The following KCNT1 variants were observed in gnomAD, a reference collection of about 807,000 sequenced individuals.
KCNT1 encodes the protein potassium channel subfamily T member 1.
A neutral mutation model predicts 147.8 loss-of-function variants in KCNT1; 78 were observed. That is an observed-to-expected ratio of 0.53 (90% confidence interval 0.44 to 0.64). The LOEUF (loss-of-function observed/expected upper bound fraction) is 0.64. Among genes scored for constraint, KCNT1 ranks in the 30% least tolerant of loss-of-function variants. The probability of loss-of-function intolerance (pLI) is 0.00; values close to 1 mark genes in which losing one functional copy is unlikely to be tolerated. For synonymous variants in KCNT1, 867 were observed against 748.8 expected (o/e 1.16, Z -2.58); for missense variants, 1,419 against 1,750.3 (o/e 0.81, Z 3.38).
At chr9:135,706,797 C>A (rs1835275512) in intron 1 of KCNT1, among the ~76,000 whole-genome samples, 1 of 152,172 alleles carries the variant, frequency 6.6e-6, no homozygotes, top group African/African-American at 2.4e-5. Context: ...TGACCCCAGC[C>A]ACATTGAGGG....
In KCNT1 at chr9:135,770,877, G is replaced by T; in HGVS notation, c.1790G>T (p.Gly597Val). 1.3e-6 allele frequency: 2 copies of T among 1,581,676 alleles called. No homozygotes were observed. Among genetic ancestry groups the T allele is most frequent in the Non-Finnish European group, 1.7e-6 (2 of 1,162,904 alleles). ...CCCAGGTATGGCGTGTGCCTCATCG[G>T]GCTGAAGCGGGAGGACAACAAGAGC... Reference protein sequence around the residue: ...AHKKYGVCLIGLKREDNKSIL... With the variant: ...AHKKYGVCLIVLKREDNKSIL... Residue 597 changes from glycine (G) to valine (V), a missense_variant, in exon 18 of 31, where the codon GGG becomes GTG. Coordinates refer to ENST00000371757, the MANE Select transcript of KCNT1 (RefSeq NM_020822.3).
chr9:135,780,033 A>G (rs1833493839), intron 24 of KCNT1, among the ~76,000 whole-genome samples: 1 of 152,244 alleles, frequency 6.6e-6, no homozygotes, highest in Non-Finnish European at 1.5e-5. Context: ...CTGAGCTGGA[A>G]TTGGCTTTCT....
At chr9:135,767,570 C>T (rs1186245824) in intron 13 of KCNT1, among the ~76,000 whole-genome samples, 1 of 152,022 alleles carries the variant, frequency 6.6e-6, no homozygotes, top group Non-Finnish European at 1.5e-5. Context: ...CCCCTCCCTC[C>T]TGCACCCCAA....
rs1358104819 is a variant in KCNT1 at position 135,714,003 on chromosome 9, G to A, written c.111-574G>A. The stretch of plus-strand genomic sequence containing the variant: ...CCGGGGTTCTGACCTGAGCTGAGCT[G>A]CTCCGCCTGGGGAGGCTGCAAACAA... On this transcript the variant is annotated intron_variant, in intron 1 of 30. Transcript: ENST00000371757. This position sits in a 1 kb window ranked among gnomAD's most constrained non-coding sequence, Gnocchi z 6.2. 6.6e-6 allele frequency among the ~76,000 whole-genome samples: 1 copy of A among 152,120 alleles called. No homozygotes were observed. The highest frequency in any genetic ancestry group is 1.5e-5 in the Non-Finnish European group (1 of 68,020).
In KCNT1 at chr9:135,745,319, G is replaced by C. The variant is rs117769839; in HGVS notation, c.255-4779G>C. Among the ~76,000 whole-genome samples, 428 of 152,164 alleles carry C rather than the reference G, an allele frequency of 2.8e-3. 18 individuals carry two copies. The East Asian group carries it at 0.069, about 24-fold the overall frequency. ...CTCCCACCTCTCAGGGCGTTCCACC[G>C]AGCCCACGCCCAGCTCCTGGGAGCA... On this transcript the variant is annotated intron_variant, in intron 2 of 30. Coordinates refer to ENST00000371757, the MANE Select transcript of KCNT1 (RefSeq NM_020822.3).
Position 135,771,200 on chromosome 9 carries a change from AG to A in KCNT1, c.2008+110del, listed in dbSNP as rs1439793636. On this transcript the variant is annotated intron_variant, in intron 18 of 30. Transcript: ENST00000371757. ...GGTGGGATGGGAGACCAGGCAGGAC[AG>A]GGGGAGGTGACCAGGTGGGACAGGA... 8 of 1,059,076 alleles carry A rather than the reference AG, an allele frequency of 7.6e-6. No homozygotes were observed. The East Asian group carries it at 1.8e-4, about 24-fold the overall frequency. 65.6% of individuals were successfully genotyped at this position (1,059,076 alleles called of 1,614,324 possible). A position where few individuals can be genotyped will look rare whatever the true frequency, so the allele number is the denominator to read the frequency against.
At chr9:135,708,757 C>T (rs1454429752) in intron 1 of KCNT1, among the ~76,000 whole-genome samples, 1 of 152,222 alleles carries the variant, frequency 6.6e-6, no homozygotes, top group Non-Finnish European at 1.5e-5. Flanking sequence ...GTTGCCCAGG[C>T]TGGTCAGGAA....
chr9:135,712,186 C>A (rs1835527487), intron 1 of KCNT1, among the ~76,000 whole-genome samples: 1 of 152,130 alleles, frequency 6.6e-6, no homozygotes, highest in South Asian at 2.1e-4. Context: ...TGTGTCCCGT[C>A]ACCTCAGCCC....
intron 13 of KCNT1, among the ~76,000 whole-genome samples, chr9:135,768,114 C>A (rs1390784430): frequency 6.6e-6 from 1 of 150,962 alleles, no homozygotes; most frequent in African/African-American, 2.4e-5. Context: ...GCTCGGGGGA[C>A]AGGTGTGGCT....
At position 135,702,335 on chromosome 9, in the gene KCNT1, C is replaced by T. The variant is rs143015526; in HGVS notation, c.77C>T (p.Thr26Ile). The T allele has an allele frequency of 6.3e-5, 101 of 1,611,526 alleles. No homozygotes were observed. The highest frequency in any genetic ancestry group is 7.7e-5 in the Non-Finnish European group (91 of 1,179,332). Residue 26 changes from threonine to isoleucine, a missense_variant, in exon 1 of 31, where the codon ACC (threonine) becomes ATC (isoleucine). Around this residue, in one of 5 missense-constraint regions of KCNT1, gnomAD observed 181 missense variants for 155.7 expected, o/e 1.16. Coordinates refer to ENST00000371757, the MANE Select transcript of KCNT1 (RefSeq NM_020822.3). ...EARGGGYTNRTFEFDDGQCAP... is the reference protein window; with the variant it reads ...EARGGGYTNRIFEFDDGQCAP... The stretch of plus-strand genomic sequence containing the variant: ...CGCGGCGGGGGCTACACCAACCGGA[C>T]CTTCGAGTTTGACGACGGCCAATGC...
chr9:135,793,514 C>T lies in KCNT1; in HGVS notation c.*1353C>T, dbSNP rs1834686600. 1 of 152,338 alleles carries T rather than the reference C, an allele frequency of 6.6e-6. No individual in the cohort carries two copies. The highest frequency in any genetic ancestry group is 1.5e-5 in the Non-Finnish European group (1 of 68,164). 9.4% of individuals were successfully genotyped at this position (152,338 alleles called of 1,614,324 possible). ...TGAGGCCAGTGGCTGCTGGGGATCC[C>T]CTACACTGGGGGTCAGGGCTGCCCC... On this transcript the variant is annotated 3_prime_UTR_variant, in exon 31 of 31. Transcript: ENST00000371757.
chr9:135,768,549 C>A (rs544632549), intron 13 of KCNT1, 61 bp from the exon 14 acceptor site: 5 of 1,399,208 alleles, frequency 3.6e-6, no homozygotes, highest in Non-Finnish European at 4.9e-6. Flanking sequence ...CACCTCCGCA[C>A]CCCCGGCTGC....
Position 135,768,344 on chromosome 9 carries a change from TGGGGGG to T in KCNT1, c.1338-257_1338-252del. On this transcript the variant is annotated intron_variant, in intron 13 of 30. Transcript: ENST00000371757. The stretch of plus-strand genomic sequence containing the variant: ...CCGTGGGGGACACTGTGATGTGGGT[TGGGGGG>T]GGGGGGGGCAGTATGGGGATGCCCA... The T allele has an allele frequency of 7.8e-5, 2 of 25,720 alleles. 1 individual carries two copies. The highest frequency in any genetic ancestry group is 1.2e-4 in the Non-Finnish European group (2 of 16,564). The allele number at this position is 25,720 out of a possible 1,614,324, so 1.6% of individuals were successfully genotyped here. A position where few individuals can be genotyped will look rare whatever the true frequency, so the allele number is the denominator to read the frequency against.
At chr9:135,785,976 G>C (rs910866010) in intron 28 of KCNT1, 1 of 572,052 alleles carries the variant, frequency 1.7e-6, no homozygotes, top group Non-Finnish European at 3.1e-6. Flanking sequence ...TGGGTGGCCC[G>C]GCGATCTGTG....
chr9:135,770,519 G>A (rs1279679922), intron 17 of KCNT1, 72 bp downstream of exon 17: 3 of 1,526,894 alleles, frequency 2.0e-6, no homozygotes, highest in Admixed American at 4.0e-5. Context: ...CACCCTCCCG[G>A]TCAGGCACAG....
intron 2 of KCNT1, among the ~76,000 whole-genome samples, chr9:135,728,545 T>A (rs1836309645): frequency 6.6e-6 from 1 of 152,170 alleles, no homozygotes. Context: ...CACGCCCTGT[T>A]CCGGGGGAAC....
intron 24 of KCNT1, among the ~76,000 whole-genome samples, chr9:135,781,100 G>A (rs1238053800): frequency 1.3e-5 from 2 of 152,236 alleles, no homozygotes; most frequent in Admixed American, 6.5e-5. Context: ...CTCCACTGGG[G>A]CTCTGTGTTG....
At position 135,714,152 on chromosome 9, in the gene KCNT1, T is replaced by C. The variant is rs1259390477; in HGVS notation, c.111-425T>C. The stretch of plus-strand genomic sequence containing the variant: ...GAGCAGCCGGCCTCGGCAAAGACCC[T>C]GGGGACGGGGAGGGGAGCTGGGGAG... On this transcript the variant is annotated intron_variant, in intron 1 of 30. Transcript: ENST00000371757. This position sits in a 1 kb window ranked among gnomAD's most constrained non-coding sequence, Gnocchi z 6.2. 2.9e-5 allele frequency among the ~76,000 whole-genome samples: 3 copies of C among 102,346 alleles called. No individual in the cohort carries two copies. Among genetic ancestry groups the C allele is most frequent in the Admixed American group, 2.1e-4 (2 of 9,582 alleles). 67.1% of individuals were successfully genotyped at this position (102,346 alleles called of 152,430 possible).
chr9:135,741,491 C>G (rs764705282), intron 2 of KCNT1, among the ~76,000 whole-genome samples: 3 of 152,238 alleles, frequency 2.0e-5, no homozygotes, highest in Admixed American at 1.3e-4. Context: ...CGGACAAACA[C>G]GCAGAATCTG....
Sources: gnomAD v4.1 joint callset for allele counts (sites outside exome capture counted in the v4.1 genomes callset) on GRCh38, gnomAD v4.1.1 for gene constraint, gnomAD v4.1.1 regional missense constraint, Gnocchi (gnomAD v3.1) non-coding constraint, MANE v1.5 for transcripts, NCBI Gene and HGNC (gene_info 2026-07-23, HGNC 2026-07-21) for gene names.